Variants in PRR29 observed in about 807,000 individuals in gnomAD.
PRR29 encodes proline rich 29, also known as proline-rich protein 29.
Under a neutral mutation model 25.1 loss-of-function variants are expected in PRR29, and 20 were observed. The observed-to-expected ratio is 0.80, with a 90% CI of 0.56 to 1.16. The LOEUF is 1.16. Among genes scored for constraint, PRR29 ranks in the 50% most tolerant of loss-of-function variants. The pLI is 0.00. For synonymous variants in PRR29, 108 were observed against 102.6 expected (o/e 1.05, Z -0.32); for missense variants, 238 against 246.6 (o/e 0.97, Z 0.23).
At chr17:63,998,672 C>T in intron 1 of PRR29, 35 bp from the exon 2 acceptor site, 1 of 1,233,364 alleles carries the variant, frequency 8.1e-7, no homozygotes, top group Non-Finnish European at 1.1e-6. Context: ...TCCATTCCCC[C>T]CACCCCACCT....
rs1159533482 is a variant in PRR29 at position 64,002,131 on chromosome 17, G to A, written c.*370G>A. On this transcript the variant is annotated 3_prime_UTR_variant, in exon 6 of 6. Coordinates refer to ENST00000412177, the MANE Select transcript of PRR29 (RefSeq NM_001164257.2). ...GATGATGAGGTCTCCTTCCAGCCTA[G>A]TAATGGAGCAAGAGGGGAGGGGGGG... The A allele has an allele frequency of 4.5e-6, 4 of 896,420 alleles. No homozygotes were observed. The highest frequency in any genetic ancestry group is 6.6e-6 in the Non-Finnish European group (4 of 604,958). 55.5% of individuals were successfully genotyped at this position (896,420 alleles called of 1,614,324 possible).
chr17:63,998,940 C>A (rs1047652293), intron 2 of PRR29, 28 bp from the exon 3 acceptor site: 4 of 1,530,706 alleles, frequency 2.6e-6, no homozygotes, highest in Non-Finnish European at 3.5e-6. Flanking sequence ...GGAGGCCCGG[C>A]GTGGGCTTGC....
Position 64,003,603 on chromosome 17 carries a change from T to C in PRR29, c.*1842T>C, listed in dbSNP as rs146783535. 9.2e-4 allele frequency: 1,440 copies of C among 1,569,168 alleles called. 12 individuals are homozygous for C. In the African/African-American group the frequency reaches 0.017, roughly 18 times the overall value. On this transcript the variant is annotated 3_prime_UTR_variant, in exon 6 of 6. Coordinates refer to ENST00000412177, the MANE Select transcript of PRR29 (RefSeq NM_001164257.2). ...TTTTCTTCCCCCGAGGGGCTGAAAG[T>C]GACTTATCACTCCCAACTCCATCCA... is the stretch of plus-strand genomic sequence containing the variant.
At position 64,002,374 on chromosome 17, in the gene PRR29, T is replaced by C. The variant is rs1359689156; in HGVS notation, c.*613T>C. On this transcript the variant is annotated 3_prime_UTR_variant, in exon 6 of 6. Transcript: ENST00000412177. ...TGGCCTGAGGTCTCCTGGGGCCAGGTGGGAACAGTGTGTCCTCTGCCCCCT... is the reference window on the plus strand; with the variant it reads ...TGGCCTGAGGTCTCCTGGGGCCAGGCGGGAACAGTGTGTCCTCTGCCCCCT... 1 of 399,326 alleles carries C rather than the reference T, an allele frequency of 2.5e-6. No individual in the cohort carries two copies. Among genetic ancestry groups the C allele is most frequent in the Non-Finnish European group, 4.6e-6 (1 of 215,336 alleles). 24.7% of individuals were successfully genotyped at this position (399,326 alleles called of 1,614,324 possible).
rs769318537 is a variant in PRR29, at chr17:64,001,721, T to C, written c.542-12T>C. ...ACAGGAGGGAGTCAAGATGAGGTTC[T>C]TGTTTCCCCAGACTACTATGATGCC... On this transcript the variant is annotated splice_polypyrimidine_tract_variant and intron_variant, in intron 5 of 5. Coordinates refer to ENST00000412177, the MANE Select transcript of PRR29 (RefSeq NM_001164257.2). 30 of 1,536,682 alleles carry C rather than the reference T, an allele frequency of 2.0e-5. No homozygotes were observed. The highest frequency in any genetic ancestry group is 2.5e-5 in the Non-Finnish European group (29 of 1,146,658).
rs1385135321 is a variant in PRR29 at position 63,998,637 on chromosome 17, G to A, written c.61-70G>A. The A allele has an allele frequency of 7.5e-6, 8 of 1,066,128 alleles. No individual in the cohort carries two copies. The African/African-American group carries it at 1.1e-4, about 14-fold the overall frequency. 66.0% of individuals were successfully genotyped at this position (1,066,128 alleles called of 1,614,324 possible). On this transcript the variant is annotated intron_variant, in intron 1 of 5. Coordinates refer to ENST00000412177, the MANE Select transcript of PRR29 (RefSeq NM_001164257.2). ...GGTTAGGGAGGCCACTGGCCGGGGGGGTTGGGGCTCGCGACGTGTCCCCAT... is the reference window on the plus strand; with the variant it reads ...GGTTAGGGAGGCCACTGGCCGGGGGAGTTGGGGCTCGCGACGTGTCCCCAT...
intron 3 of PRR29, among the ~76,000 whole-genome samples, chr17:64,000,532 T>C (rs879487177): frequency 3.3e-5 from 5 of 151,812 alleles, no homozygotes; most frequent in Non-Finnish European, 7.4e-5. Context: ...GGTTTCACTA[T>C]GTTAGCCAGG....
Position 64,003,544 on chromosome 17 carries a change from C to A in PRR29, c.*1783C>A, listed in dbSNP as rs1910957863. 3 of 1,078,730 alleles carry A rather than the reference C, an allele frequency of 2.8e-6. No individual in the cohort carries two copies. The highest frequency in any genetic ancestry group is 4.1e-6 in the Non-Finnish European group (3 of 723,462). 66.8% of individuals were successfully genotyped at this position (1,078,730 alleles called of 1,614,324 possible). On this transcript the variant is annotated 3_prime_UTR_variant, in exon 6 of 6. Coordinates refer to ENST00000412177, the MANE Select transcript of PRR29 (RefSeq NM_001164257.2). ...GAAGCCTCAGGATGAAGGGTGGGCT[C>A]CTGGGTGTTTGCTTCCCAAGTGGGA...
Position 64,003,738 on chromosome 17 carries a change from G to A in PRR29, c.*1977G>A, listed in dbSNP as rs1475800580. On this transcript the variant is annotated 3_prime_UTR_variant, in exon 6 of 6. Transcript: ENST00000412177. ...GCACAGCCAGGCAGGAGAAGTTGCG[G>A]TGGCCATCCTCTCTGTCAGCCGTGC... The A allele has an allele frequency of 6.2e-7, 1 of 1,614,182 alleles. No homozygotes were observed. Among genetic ancestry groups the A allele is most frequent in the Non-Finnish European group, 8.5e-7 (1 of 1,180,050 alleles).
At position 63,998,380 on chromosome 17, in the gene PRR29, G is replaced by C. The variant is rs1379711470; in HGVS notation, c.16G>C (p.Gly6Arg). 4.6e-6 allele frequency: 7 copies of C among 1,525,328 alleles called. No individual in the cohort carries two copies. Among genetic ancestry groups the C allele is most frequent in the South Asian group, 2.4e-5 (2 of 82,922 alleles). The allele number at this position is 1,525,328 out of a possible 1,614,324, so 94.5% of individuals were successfully genotyped here. A position where few individuals can be genotyped will look rare whatever the true frequency, so the allele number is the denominator to read the frequency against. Residue 6 changes from glycine to arginine, a missense_variant, in exon 1 of 6, where the codon GGC (glycine) becomes CGC (arginine). By Grantham distance (125) the Gly-to-Arg change is moderately radical. Coordinates refer to ENST00000412177, the MANE Select transcript of PRR29 (RefSeq NM_001164257.2). Reference protein sequence around the residue: MASGAGGSWGRSPPQS... With the variant: MASGARGSWGRSPPQS... ...GGCGCCAGCCATGGCCTCTGGGGCGGGCGGAAGCTGGGGTCGCTCCCCACC... is the reference window on the plus strand; with the variant it reads ...GGCGCCAGCCATGGCCTCTGGGGCGCGCGGAAGCTGGGGTCGCTCCCCACC...
chr17:64,001,991 C>T lies in PRR29; in HGVS notation c.*230C>T. ...TGTTGTGTAAGAGCTCCCTAGAGCA[C>T]CACCCAGGCCCTTGAAGCCACGTCA... On this transcript the variant is annotated 3_prime_UTR_variant, in exon 6 of 6. Coordinates refer to ENST00000412177, the MANE Select transcript of PRR29 (RefSeq NM_001164257.2). 6.5e-7 allele frequency: 1 copy of T among 1,531,662 alleles called. No individual in the cohort carries two copies. The highest frequency in any genetic ancestry group is 2.5e-5 in the East Asian group (1 of 40,802). The allele number at this position is 1,531,662 out of a possible 1,614,324, so 94.9% of individuals were successfully genotyped here.
At chr17:64,001,679 C>G (rs1910771038) in intron 5 of PRR29, 54 bp from the exon 6 acceptor site, 1 of 1,531,924 alleles carries the variant, frequency 6.5e-7, no homozygotes, top group East Asian at 2.4e-5. Flanking sequence ...CCCTTTACCT[C>G]TTTGGGGTCC....
At chr17:63,998,589 A>C in intron 1 of PRR29, 118 bp from the exon 2 acceptor site, 1 of 1,070,966 alleles carries the variant, frequency 9.3e-7, no homozygotes, top group East Asian at 2.6e-5. Context: ...CGGGGCGGGG[A>C]GGAGAGAACC....
intron 2 of PRR29, 72 bp from the exon 3 acceptor site, chr17:63,998,896 C>A (rs1910343540): frequency 6.9e-7 from 1 of 1,453,066 alleles, no homozygotes. Context: ...CATTCTTCAC[C>A]CCCGGGACAG....
rs1378256758 is a variant in PRR29, at chr17:64,003,200, G to A, written c.*1439G>A. The A allele has an allele frequency of 1.0e-5, 5 of 489,382 alleles. No individual in the cohort carries two copies. The highest frequency in any genetic ancestry group is 6.8e-5 in the Admixed American group (2 of 29,422). 30.3% of individuals were successfully genotyped at this position (489,382 alleles called of 1,614,324 possible). On this transcript the variant is annotated 3_prime_UTR_variant, in exon 6 of 6. Coordinates refer to ENST00000412177, the MANE Select transcript of PRR29 (RefSeq NM_001164257.2). Reference sequence around the variant, plus strand: ...TTGTCAGCAGCCATGGGACCAGTGTGTAGCTGCTGGACACCGTGGCCTGGA... The same window carrying A: ...TTGTCAGCAGCCATGGGACCAGTGTATAGCTGCTGGACACCGTGGCCTGGA...
chr17:64,003,812 A>AGGTCTCATAGTGCAG lies in PRR29; in HGVS notation c.*2052_*2066dup. The stretch of plus-strand genomic sequence containing the variant: ...TGCGGAGCAGGGGCTGCCTTCCCGA[A>AGGTCTCATAGTGCAG]GGTCTCATAGTGCAGAGTCTCATTG... On this transcript the variant is annotated 3_prime_UTR_variant, in exon 6 of 6. Coordinates refer to ENST00000412177, the MANE Select transcript of PRR29 (RefSeq NM_001164257.2). The AGGTCTCATAGTGCAG allele has an allele frequency of 2.5e-6, 4 of 1,614,228 alleles. No individual in the cohort carries two copies.
chr17:64,003,232 C>T lies in PRR29; in HGVS notation c.*1471C>T. The T allele has an allele frequency of 4.5e-6, 2 of 443,744 alleles. No homozygotes were observed. The highest frequency in any genetic ancestry group is 8.2e-6 in the Non-Finnish European group (2 of 244,150). 27.5% of individuals were successfully genotyped at this position (443,744 alleles called of 1,614,324 possible). A position where few individuals can be genotyped will look rare whatever the true frequency, so the allele number is the denominator to read the frequency against. On this transcript the variant is annotated 3_prime_UTR_variant, in exon 6 of 6. Transcript: ENST00000412177. Reference sequence around the variant, plus strand: ...CTGGACACCGTGGCCTGGAGGGTGGCATGGTCCCAGCCAAGCCCCTTCTTG... The same window carrying T: ...CTGGACACCGTGGCCTGGAGGGTGGTATGGTCCCAGCCAAGCCCCTTCTTG...
rs113890994 is a variant in PRR29, at chr17:64,001,017, G to C, written c.244-67G>C. On this transcript the variant is annotated intron_variant, in intron 3 of 5. Coordinates refer to ENST00000412177, the MANE Select transcript of PRR29 (RefSeq NM_001164257.2). ...GGAGGAAATAACTTAGGGGAATGGA[G>C]GAGTGGCGGTGGGGAGAGCCTGATG... The C allele has an allele frequency of 6.1e-3, 7,792 of 1,282,146 alleles. 313 individuals carry two copies. In the African/African-American group the frequency reaches 0.092, roughly 15 times the overall value. The allele number at this position is 1,282,146 out of a possible 1,614,324, so 79.4% of individuals were successfully genotyped here.
At chr17:63,999,097 G>C in intron 3 of PRR29, 23 bp downstream of exon 3, 1 of 1,524,848 alleles carries the variant, frequency 6.6e-7, no homozygotes, top group Non-Finnish European at 8.8e-7. Context: ...GGGCCGCCGG[G>C]GTCGCTCACC....
Sources: allele counts gnomAD v4.1 joint callset (sites outside exome capture counted in the v4.1 genomes callset), GRCh38; gene constraint gnomAD v4.1.1; transcripts MANE v1.5; gene names NCBI Gene and HGNC (gene_info 2026-07-23, HGNC 2026-07-21).